The following STAG3 variants were observed in gnomAD, a reference collection of about 807,000 sequenced individuals.
STAG3 encodes the protein cohesin subunit SA-3.
STAG3 carries 101 observed loss-of-function variants against 160.7 expected under a neutral mutation model. The ratio of observed to expected loss-of-function variants is 0.63; its 90% CI spans 0.54 to 0.74. The LOEUF (loss-of-function observed/expected upper bound fraction) is 0.74. STAG3 is among the 30% of genes least tolerant of loss of function. The pLI, the probability that STAG3 is intolerant of heterozygous loss-of-function variation, is 0.00. For missense variants in STAG3, 1,188 were observed against 1,517.4 expected, an observed-to-expected ratio of 0.78 and a Z score of 3.61; for synonymous variants, 519 against 585.0, an observed-to-expected ratio of 0.89 and a Z score of 1.63.
intron 2 of STAG3, 136 bp from the exon 3 acceptor site, chr7:100,181,954 A>AT (rs895391040): frequency 1.3e-5 from 7 of 542,138 alleles, no homozygotes; most frequent in South Asian, 1.1e-4. Flanking sequence ...CAATAAGCTC[A>AT]TTTTTTCTTA....
intron 25 of STAG3, among the ~76,000 whole-genome samples, chr7:100,203,248 T>G (rs916888566): frequency 6.6e-6 from 1 of 151,248 alleles, no homozygotes; most frequent in Non-Finnish European, 1.5e-5. Context: ...GCAATGGCAC[T>G]ATCTCGGCTC....
chr7:100,217,310 T>TCCCA (rs1802845828), downstream of STAG3, among the ~76,000 whole-genome samples: 1 of 152,154 alleles, frequency 6.6e-6, no homozygotes, highest in Non-Finnish European at 1.5e-5. Context: ...AGCCCAGGGC[T>TCCCA]CTGGCTTCTC....
chr7:100,196,304 G>A (rs1275505229), intron 9 of STAG3, among the ~76,000 whole-genome samples: 3 of 150,988 alleles, frequency 2.0e-5, no homozygotes, highest in Non-Finnish European at 2.9e-5. Context: ...TGGCAGGGAC[G>A]GAGTCTCACT....
chr7:100,201,955 C>A lies in STAG3; in HGVS notation c.2308C>A (p.Leu770Met). The A allele has an allele frequency of 6.2e-7, 1 of 1,614,186 alleles. No individual in the cohort carries two copies. The highest frequency in any genetic ancestry group is 1.1e-5 in the South Asian group (1 of 91,084). ...ISKSDASQKQ[L>M]SSLRDRMVAF... is the part of the protein sequence containing the mutation. ...CAAGCCACTGTGCCCACAGAAGCAGCTGTCGAGTTTGAGGGACAGAATGGT... is the reference window on the plus strand; with the variant it reads ...CAAGCCACTGTGCCCACAGAAGCAGATGTCGAGTTTGAGGGACAGAATGGT... The change falls in exon 23 of 34, where the codon CTG becomes ATG. Residue 770 changes from leucine to methionine, a missense_variant. Around this residue, in one of 4 missense-constraint regions of STAG3, gnomAD observed 647 missense variants for 717.2 expected, o/e 0.90. Transcript: ENST00000615138.
rs1184312865 is a variant in STAG3, at chr7:100,200,246, C to A, written c.1688C>A (p.Ser563Tyr). Residue 563 changes from serine (S) to tyrosine (Y), a missense_variant, in exon 17 of 34, where the codon TCT (serine) becomes TAT (tyrosine). Coordinates refer to ENST00000615138, the MANE Select transcript of STAG3 (RefSeq NM_001282717.2). ...TGACTCTCATTCCAGGGCTTAACCT[C>A]TAAGGAGCGCAAGACCCAAGCCGAT... ...GRVTGRKGLT[S>Y]KERKTQADDR... The A allele has an allele frequency of 2.5e-6, 4 of 1,612,014 alleles. No individual in the cohort carries two copies. The African/African-American group carries it at 5.3e-5, about 22-fold the overall frequency.
chr7:100,186,934 T>G (rs1486106861), intron 5 of STAG3, among the ~76,000 whole-genome samples: 1 of 152,266 alleles, frequency 6.6e-6, no homozygotes, highest in East Asian at 1.9e-4. Flanking sequence ...AGAACTCTTA[T>G]TGCCATGGCT....
chr7:100,208,844 T>C (rs1371845355), intron 29 of STAG3, among the ~76,000 whole-genome samples: 2 of 152,190 alleles, frequency 1.3e-5, no homozygotes, highest in Middle Eastern at 3.4e-3. Context: ...GGGGTGGGGA[T>C]TGCAGTCTTA....
At chr7:100,184,172 A>T (rs1292995771) in intron 4 of STAG3, among the ~76,000 whole-genome samples, 1 of 151,932 alleles carries the variant, frequency 6.6e-6, no homozygotes, top group African/African-American at 2.4e-5. Context: ...AGGCTGAGGC[A>T]TGAGAATTAC....
chr7:100,202,670 AG>A, intron 25 of STAG3, 80 bp downstream of exon 25: 2 of 1,526,992 alleles, frequency 1.3e-6, no homozygotes, highest in Non-Finnish European at 1.8e-6. Flanking sequence ...ATAGCACTAC[AG>A]GTGGGGGATA....
At chr7:100,183,920 G>A (rs191764934) in intron 4 of STAG3, among the ~76,000 whole-genome samples, 5 of 152,154 alleles carry the variant, frequency 3.3e-5, no homozygotes, top group Admixed American at 2.6e-4. Flanking sequence ...TTATATTTTC[G>A]TTATTTGATT....
chr7:100,197,869 G>T lies in STAG3; in HGVS notation c.1157G>T (p.Arg386Leu), dbSNP rs1434389254. 1 of 1,613,574 alleles carries T rather than the reference G, an allele frequency of 6.2e-7. No individual in the cohort carries two copies. The highest frequency in any genetic ancestry group is 1.1e-5 in the South Asian group (1 of 91,054). ...LTTRLELFTS[R>L]FKDRMVSMVM... ...ACACGCCTGGAGCTCTTCACCAGCC[G>T]CTTCAAGGTAAAATGGGTGGTGCTC... Residue 386 changes from arginine (R) to leucine (L), a missense_variant, in exon 11 of 34, where the codon CGC becomes CTC. Coordinates refer to ENST00000615138, the MANE Select transcript of STAG3 (RefSeq NM_001282717.2).
intron 32 of STAG3, chr7:100,212,558 C>G (rs1225238477): frequency 6.6e-6 from 1 of 152,186 alleles, no homozygotes; most frequent in Non-Finnish European, 1.5e-5. Flanking sequence ...TGGGCTCAAG[C>G]AATTCTCCTG....
downstream of STAG3, chr7:100,214,526 CTG>C (rs1419021751): frequency 6.0e-6 from 1 of 165,626 alleles, no homozygotes; most frequent in African/African-American, 2.4e-5. Context: ...TGCTTAGTAA[CTG>C]AGAGGTGGGG....
At chr7:100,212,038 T>C (rs948558561) in intron 32 of STAG3, 162 bp downstream of exon 32, 1 of 591,262 alleles carries the variant, frequency 1.7e-6, no homozygotes, top group Non-Finnish European at 2.9e-6. Flanking sequence ...TGGACTTTGC[T>C]TGGACTCTAC....
chr7:100,204,824 G>C (rs1265359560), intron 27 of STAG3, 49 bp downstream of exon 27: 1 of 1,609,174 alleles, frequency 6.2e-7, no homozygotes, highest in South Asian at 1.1e-5. Flanking sequence ...TGGGAACGAG[G>C]TCTTGGAGGG....
intron 32 of STAG3, chr7:100,213,521 A>G (rs1584798923): frequency 1.0e-6 from 1 of 985,368 alleles, no homozygotes; most frequent in South Asian, 4.7e-5. Context: ...TTCCAAAACA[A>G]AGTCATTTAA....
chr7:100,200,255 G>GC lies in STAG3; in HGVS notation c.1698dup (p.Lys567GlnfsTer6). On this transcript the variant is annotated frameshift_variant, in exon 17 of 34. Transcript: ENST00000615138. LOFTEE classifies it high-confidence loss of function. ...TTCCAGGGCTTAACCTCTAAGGAGC[G>GC]CAAGACCCAAGCCGATGACAGGGTG... The GC allele has an allele frequency of 6.2e-7, 1 of 1,612,138 alleles. No individual in the cohort carries two copies. The highest frequency in any genetic ancestry group is 8.5e-7 in the Non-Finnish European group (1 of 1,179,634).
intron 8 of STAG3, among the ~76,000 whole-genome samples, chr7:100,190,713 T>C (rs557993543): frequency 4.4e-4 from 67 of 152,328 alleles, no homozygotes; most frequent in Middle Eastern, 3.4e-3. Context: ...TGAGTTACTC[T>C]TTTTTCCATC....
chr7:100,203,960 G>A, intron 25 of STAG3, 61 bp from the exon 26 acceptor site: 2 of 1,178,424 alleles, frequency 1.7e-6, no homozygotes, highest in Non-Finnish European at 2.5e-6. Flanking sequence ...GGATGTGAAG[G>A]AAGAAACCAA....
Sources: gnomAD v4.1 joint callset for allele counts (sites outside exome capture counted in the v4.1 genomes callset) on GRCh38, gnomAD v4.1.1 for gene constraint, gnomAD v4.1.1 regional missense constraint, MANE v1.5 for transcripts, NCBI Gene and HGNC (gene_info 2026-07-23, HGNC 2026-07-21) for gene names.